The following PPM1L variants were observed in gnomAD, a reference collection of about 807,000 sequenced individuals.
PPM1L encodes protein phosphatase, Mg2+/Mn2+ dependent 1L.
Under a neutral mutation model 31.4 loss-of-function variants are expected in PPM1L, and 13 were observed. The observed-to-expected ratio is 0.41, with a 90% confidence interval of 0.27 to 0.66. The LOEUF is 0.66. Among genes scored for constraint, PPM1L ranks in the 30% least tolerant of loss-of-function variants. PPM1L has a pLI of 0.29. For missense variants in PPM1L, 326 were observed against 453.7 expected (o/e 0.72, Z 2.56); for synonymous variants, 184 against 175.4 (o/e 1.05, Z -0.39).
chr3:160,947,785 A>C (rs1469025635), intron 1 of PPM1L, among the ~76,000 whole-genome samples: 1 of 152,154 alleles, frequency 6.6e-6, no homozygotes, highest in Non-Finnish European at 1.5e-5. Context: ...CTTTAAATTT[A>C]CCTACAGAAC....
At chr3:160,961,983 G>A in intron 2 of PPM1L, 73 bp downstream of exon 2, 2 of 1,262,978 alleles carry the variant, frequency 1.6e-6, no homozygotes, top group Non-Finnish European at 2.1e-6. Flanking sequence ...ATTAAACTTG[G>A]TAAAAGGTTA....
intron 1 of PPM1L, chr3:160,882,427 A>AT (rs1228882813): frequency 2.0e-5 from 3 of 152,192 alleles, no homozygotes; most frequent in African/African-American, 7.2e-5. Context: ...ATAGTTATTA[A>AT]ACTGTAATAA....
intron 1 of PPM1L, among the ~76,000 whole-genome samples, chr3:160,958,115 T>TA (rs1272444653): frequency 6.6e-6 from 1 of 152,198 alleles, no homozygotes; most frequent in African/African-American, 2.4e-5. Flanking sequence ...GTTGTCTGTT[T>TA]ACTCTGATGA....
At chr3:161,046,126 A>AAAAAAAAAAAAAAAAAAAAG in intron 2 of PPM1L, among the ~76,000 whole-genome samples, 1 of 150,112 alleles carries the variant, frequency 6.7e-6, no homozygotes, top group Non-Finnish European at 1.5e-5. Flanking sequence ...AAAAAAAAAA[A>AAAAAAAAAAAAAAAAAAAAG]AAAAAAAATC....
At chr3:161,058,012 T>C (rs1392581936) in intron 2 of PPM1L, among the ~76,000 whole-genome samples, 1 of 151,656 alleles carries the variant, frequency 6.6e-6, no homozygotes, top group Non-Finnish European at 1.5e-5. Context: ...GGCCTGGAGG[T>C]TAATTAATCC....
At chr3:160,822,314 C>T (rs1427632374) in intron 1 of PPM1L, among the ~76,000 whole-genome samples, 2 of 151,956 alleles carry the variant, frequency 1.3e-5, no homozygotes, top group Admixed American at 6.6e-5. Context: ...AGAACTCCAT[C>T]ATTTGAATAA....
At chr3:160,821,561 A>T (rs1713203272) in intron 1 of PPM1L, among the ~76,000 whole-genome samples, 1 of 152,106 alleles carries the variant, frequency 6.6e-6, no homozygotes, top group Non-Finnish European at 1.5e-5. Context: ...AAAGACAGGG[A>T]TGCTTTAATG....
intron 2 of PPM1L, among the ~76,000 whole-genome samples, chr3:161,062,662 T>C (rs1309756309): frequency 1.3e-5 from 2 of 152,244 alleles, no homozygotes; most frequent in Non-Finnish European, 2.9e-5. Flanking sequence ...TTTATTTTTC[T>C]AGCTGCAAGA....
intron 2 of PPM1L, among the ~76,000 whole-genome samples, chr3:160,983,730 G>A (rs150557135): frequency 6.6e-6 from 1 of 152,138 alleles, no homozygotes; most frequent in Non-Finnish European, 1.5e-5. Flanking sequence ...TTCTTCGTGG[G>A]TTCTTTTCTA....
intron 1 of PPM1L, among the ~76,000 whole-genome samples, chr3:160,757,268 A>G (rs1213984194): frequency 1.3e-5 from 2 of 152,142 alleles, no homozygotes; most frequent in African/African-American, 4.8e-5. Flanking sequence ...AACTCTATCA[A>G]CTTTACAAGT....
At chr3:160,783,782 T>A (rs1711818973) in intron 1 of PPM1L, among the ~76,000 whole-genome samples, 1 of 152,162 alleles carries the variant, frequency 6.6e-6, no homozygotes, top group Non-Finnish European at 1.5e-5. Flanking sequence ...GAATCCCAGC[T>A]TTCTGCATTG....
chr3:160,824,279 C>A (rs1713291735), intron 1 of PPM1L, among the ~76,000 whole-genome samples: 1 of 152,090 alleles, frequency 6.6e-6, no homozygotes, highest in Non-Finnish European at 1.5e-5. Context: ...CTAACCGAAA[C>A]CTGACCATAT....
intron 2 of PPM1L, among the ~76,000 whole-genome samples, chr3:160,967,955 A>G (rs1411022875): frequency 6.6e-6 from 1 of 152,066 alleles, no homozygotes; most frequent in African/African-American, 2.4e-5. Context: ...TAGCTATAAT[A>G]TCTGCAAGGC....
rs529627451 is a variant in PPM1L at position 161,056,307 on chromosome 3, G to A, written c.575-9096G>A. ...GAATCTGAATGTGTACTATCAAAAA[G>A]GCTGCTGTCATCATTGTCACCACTA... On this transcript the variant is annotated intron_variant, in intron 2 of 3. Coordinates refer to ENST00000498165, the MANE Select transcript of PPM1L (RefSeq NM_139245.4). Among the ~76,000 whole-genome samples, 3 of 152,180 alleles carry A rather than the reference G, an allele frequency of 2.0e-5. No individual in the cohort carries two copies. The South Asian group carries it at 6.2e-4, about 32-fold the overall frequency.
At chr3:160,964,695 T>C (rs967512950) in intron 2 of PPM1L, among the ~76,000 whole-genome samples, 1 of 151,990 alleles carries the variant, frequency 6.6e-6, no homozygotes, top group African/African-American at 2.4e-5. Flanking sequence ...TAGCAACATC[T>C]ATTTGATAAA....
rs183400625 is a variant in PPM1L at position 160,787,140 on chromosome 3, G to A, written c.399+30433G>A. ...TACCAAGTAATGGGATTACTGGGTC[G>A]AATGGGAGTACTATGTTAAGCTCTT... On this transcript the variant is annotated intron_variant, in intron 1 of 3. Transcript: ENST00000498165. Among the ~76,000 whole-genome samples, 527 of 152,170 alleles carry A rather than the reference G, an allele frequency of 3.5e-3. 2 individuals are homozygous for A. The highest frequency in any genetic ancestry group is 0.012 in the African/African-American group (497 of 41,518).
chr3:161,023,826 T>A (rs1163887409), intron 2 of PPM1L, among the ~76,000 whole-genome samples: 2 of 152,212 alleles, frequency 1.3e-5, no homozygotes, highest in African/African-American at 2.4e-5. Flanking sequence ...TTTTTTCACT[T>A]CTTGCTTGTG....
chr3:160,865,938 A>G (rs1560131490), intron 1 of PPM1L, among the ~76,000 whole-genome samples: 1 of 152,222 alleles, frequency 6.6e-6, no homozygotes, highest in Non-Finnish European at 1.5e-5. Context: ...AAGTAATATT[A>G]AATATGTATC....
intron 1 of PPM1L, among the ~76,000 whole-genome samples, chr3:160,796,923 C>G (rs1560109266): frequency 6.6e-6 from 1 of 152,144 alleles, no homozygotes; most frequent in African/African-American, 2.4e-5. Context: ...CCTGGATAAT[C>G]TAGGGTAAAC....
Sources: allele counts gnomAD v4.1 joint callset (sites outside exome capture counted in the v4.1 genomes callset), GRCh38; gene constraint gnomAD v4.1.1; transcripts MANE v1.5; gene names NCBI Gene and HGNC (gene_info 2026-07-23, HGNC 2026-07-21).